GABRB2: variants seen among roughly 807,000 people sequenced by gnomAD.
GABRB2 encodes the protein gamma-aminobutyric acid receptor subunit beta-2.
A neutral mutation model predicts 54.7 loss-of-function variants in GABRB2; 16 were observed. The observed-to-expected ratio is 0.29, with a 90% CI of 0.20 to 0.44. GABRB2 has a LOEUF of 0.44. Among genes scored for constraint, GABRB2 ranks in the 20% least tolerant of loss-of-function variants. The pLI is 1.00. For synonymous variants in GABRB2, 244 were observed against 233.8 expected (o/e 1.04, Z -0.40); for missense variants, 355 against 644.0 (o/e 0.55, Z 4.86).
chr5:161,371,337 T>C (rs1192891111), intron 5 of GABRB2, among the ~76,000 whole-genome samples: 1 of 152,224 alleles, frequency 6.6e-6, no homozygotes, highest in African/African-American at 2.4e-5. Flanking sequence ...AATCTACATG[T>C]ATGTATATCT....
At chr5:161,320,526 T>C (rs1008371499) in intron 9 of GABRB2, among the ~76,000 whole-genome samples, 2 of 151,872 alleles carry the variant, frequency 1.3e-5, no homozygotes, top group African/African-American at 4.8e-5. Context: ...GATTATATCT[T>C]TATTTGGGAT....
In GABRB2 at chr5:161,294,087, C is replaced by G. The variant is rs538748431; in HGVS notation, c.1533G>C (p.Val511=). 6.2e-7 allele frequency: 1 copy of G among 1,608,936 alleles called. No individual in the cohort carries two copies. Among genetic ancestry groups the G allele is most frequent in the East Asian group, 2.2e-5 (1 of 44,768 alleles). ...FFNIVYWLYY[V]N ...TCCAGTGGGAGGCCATGTTTTAGTT[C>G]ACATAATAAAGCCAATAGACGATGT... The change falls in exon 10 of 10, where the codon GTG becomes GTC. Residue 511 remains valine, a synonymous_variant. Coordinates refer to ENST00000393959, the MANE Select transcript of GABRB2 (RefSeq NM_001371727.1).
intron 5 of GABRB2, among the ~76,000 whole-genome samples, chr5:161,384,771 G>C (rs569203219): frequency 6.6e-6 from 1 of 152,286 alleles, no homozygotes; most frequent in African/African-American, 2.4e-5. Context: ...GGCAGGGCTT[G>C]TACTAGGTGA....
intron 5 of GABRB2, among the ~76,000 whole-genome samples, chr5:161,362,312 A>C (rs1754838473): frequency 6.6e-6 from 1 of 152,148 alleles, no homozygotes; most frequent in Non-Finnish European, 1.5e-5. Context: ...TAATTCTGTG[A>C]AGAAAGCCAA....
At chr5:161,479,071 CA>C in intron 3 of GABRB2, among the ~76,000 whole-genome samples, 1 of 152,076 alleles carries the variant, frequency 6.6e-6, no homozygotes, top group East Asian at 1.9e-4. Flanking sequence ...GGTACAACAA[CA>C]AAAAATACAC....
chr5:161,485,348 C>T (rs993466130), intron 3 of GABRB2, among the ~76,000 whole-genome samples: 1 of 151,912 alleles, frequency 6.6e-6, no homozygotes, highest in Non-Finnish European at 1.5e-5. Flanking sequence ...CATATTCAGC[C>T]TATATTCCCA....
intron 9 of GABRB2, among the ~76,000 whole-genome samples, chr5:161,315,361 G>C (rs1209788868): frequency 6.6e-6 from 1 of 152,146 alleles, no homozygotes; most frequent in Non-Finnish European, 1.5e-5. Flanking sequence ...GAGAGAAACT[G>C]ACTGCATTAA....
At chr5:161,522,997 G>A (rs1760166120) in intron 3 of GABRB2, among the ~76,000 whole-genome samples, 1 of 151,330 alleles carries the variant, frequency 6.6e-6, no homozygotes, top group Admixed American at 6.6e-5. Flanking sequence ...TTTAGTATGT[G>A]CAGATAATTT....
intron 3 of GABRB2, among the ~76,000 whole-genome samples, chr5:161,486,165 T>C (rs1758916294): frequency 6.6e-6 from 1 of 151,932 alleles, no homozygotes; most frequent in South Asian, 2.1e-4. Context: ...CACAGACAGA[T>C]GGGTCTACAC....
intron 5 of GABRB2, among the ~76,000 whole-genome samples, chr5:161,360,252 T>C (rs1754769556): frequency 6.6e-6 from 1 of 152,164 alleles, no homozygotes; most frequent in Non-Finnish European, 1.5e-5. Flanking sequence ...AAATGACTGA[T>C]TCCCAGTCTG....
chr5:161,534,830 C>A (rs904813858), intron 3 of GABRB2, among the ~76,000 whole-genome samples: 16 of 152,020 alleles, frequency 1.1e-4, no homozygotes, highest in Admixed American at 1.0e-3. Context: ...ACTCAACCAC[C>A]TTTAAGAGAA....
chr5:161,395,692 G>T (rs1477218033), intron 5 of GABRB2, among the ~76,000 whole-genome samples: 3 of 152,002 alleles, frequency 2.0e-5, no homozygotes, highest in Non-Finnish European at 4.4e-5. Flanking sequence ...AAGCAAAAAA[G>T]GGAAGAAAAT....
chr5:161,402,667 C>T (rs1053809012), intron 5 of GABRB2, among the ~76,000 whole-genome samples: 2 of 152,186 alleles, frequency 1.3e-5, no homozygotes, highest in Admixed American at 6.5e-5. Context: ...AGAGCAGTGA[C>T]TTTCAAGCTG....
rs911385100 is a variant in GABRB2, at chr5:161,341,954, TATATATATATATATAC to T, written c.542-5201_542-5186del. Among the ~76,000 whole-genome samples the T allele has an allele frequency of 2.9e-4, 21 of 73,114 alleles. No homozygotes were observed. The South Asian group carries it at 4.1e-3, about 14-fold the overall frequency. 48.0% of individuals were successfully genotyped at this position (73,114 alleles called of 152,430 possible). Reference sequence around the variant, plus strand: ...TTTTTCTTTTATATATATATATATATATATATATATATATACATACTTTATTATTATTTTTTCTAGT... The same window carrying T: ...TTTTTCTTTTATATATATATATATATATACTTTATTATTATTTTTTCTAGT... On this transcript the variant is annotated intron_variant, in intron 5 of 9. Coordinates refer to ENST00000393959, the MANE Select transcript of GABRB2 (RefSeq NM_001371727.1).
chr5:161,378,474 CAT>C (rs1174223456), intron 5 of GABRB2, among the ~76,000 whole-genome samples: 3 of 152,094 alleles, frequency 2.0e-5, no homozygotes, highest in Admixed American at 6.6e-5. Context: ...AATGGTCACA[CAT>C]GTTTGGCTTC....
At chr5:161,366,628 A>T (rs1329500588) in intron 5 of GABRB2, among the ~76,000 whole-genome samples, 2 of 152,170 alleles carry the variant, frequency 1.3e-5, no homozygotes, top group Non-Finnish European at 2.9e-5. Context: ...AAAATGCATG[A>T]ATGGTACCCT....
intron 9 of GABRB2, among the ~76,000 whole-genome samples, chr5:161,296,902 G>T (rs1757395911): frequency 1.3e-5 from 2 of 152,178 alleles, no homozygotes; most frequent in African/African-American, 4.8e-5. Flanking sequence ...CTAAGAATAG[G>T]ATTCGGGAAG....
At chr5:161,501,143 T>A (rs1267636630) in intron 3 of GABRB2, among the ~76,000 whole-genome samples, 1 of 152,142 alleles carries the variant, frequency 6.6e-6, no homozygotes. Context: ...AGTGGCCCTG[T>A]AAAAACATTC....
At chr5:161,449,584 C>A (rs1185883588) in intron 4 of GABRB2, among the ~76,000 whole-genome samples, 1 of 152,032 alleles carries the variant, frequency 6.6e-6, no homozygotes, top group Admixed American at 6.6e-5. Context: ...ATCATTAAAC[C>A]AACGCTGAGA....
Sources: gnomAD v4.1 joint callset for allele counts (sites outside exome capture counted in the v4.1 genomes callset) on GRCh38, gnomAD v4.1.1 for gene constraint, MANE v1.5 for transcripts, NCBI Gene and HGNC (gene_info 2026-07-23, HGNC 2026-07-21) for gene names.